The following TET2 variants were observed in gnomAD, a reference collection of about 807,000 sequenced individuals.
TET2 encodes the protein tet methylcytosine dioxygenase 2.
In TET2, 299 loss-of-function variants were observed where a neutral mutation model predicts 142.9. The observed-to-expected ratio is 2.09, with a 90% CI of 1.90 to 2.30. TET2 has a LOEUF of 2.30. Among genes scored for constraint, TET2 ranks in the 30% most tolerant of loss-of-function variants. The pLI is 0.00. For missense variants in TET2, 2,418 were observed against 2,378.0 expected (o/e 1.02, Z -0.35); for synonymous variants, 819 against 849.0 (o/e 0.96, Z 0.61).
intron 2 of TET2, among the ~76,000 whole-genome samples, chr4:105,209,817 G>A (rs1727054566): frequency 6.6e-6 from 1 of 152,120 alleles, no homozygotes; most frequent in African/African-American, 2.4e-5. Context: ...ATGGTGTTCA[G>A]CATTGGGCTT....
chr4:105,275,319 A>G lies in TET2; in HGVS notation c.4809A>G (p.Gln1603=). The G allele has an allele frequency of 1.3e-6, 2 of 1,551,930 alleles. No individual in the cohort carries two copies. The highest frequency in any genetic ancestry group is 1.2e-5 in the South Asian group (1 of 84,058). Residue 1603 remains glutamine (Q), a synonymous_variant, in exon 11 of 11, where the codon CAA becomes CAG. Transcript: ENST00000380013. The part of the protein sequence containing the change: ...SPMNFYSTSS[Q]AAGSYLNSSN... ...TGAACTTCTATTCCACCTCATCTCA[A>G]GCTGCAGGTTCATATTTGAATTCTT...
At chr4:105,242,596 A>T in intron 4 of TET2, 1 of 1,228,526 alleles carries the variant, frequency 8.1e-7, no homozygotes, top group Non-Finnish European at 1.0e-6. Flanking sequence ...TTTCACCCAC[A>T]TGTAATTTAC....
Position 105,234,314 on chromosome 4 carries a change from C to G in TET2, c.372C>G (p.Asn124Lys), listed in dbSNP as rs760039735. Residue 124 changes from asparagine to lysine, a missense_variant, in exon 3 of 11, where the codon AAC (asparagine) becomes AAG (lysine). Physicochemically the swap from Asn to Lys is moderately conservative, Grantham distance 94. Coordinates refer to ENST00000380013, the MANE Select transcript of TET2 (RefSeq NM_001127208.3). Reference protein sequence around the residue: ...QDQKANGERRNFGVSQERNPG... With the variant: ...QDQKANGERRKFGVSQERNPG... ...AAAAGGCTAATGGAGAAAGACGTAACTTCGGGGTAAGCCAAGAAAGAAATC... is the reference window on the plus strand; with the variant it reads ...AAAAGGCTAATGGAGAAAGACGTAAGTTCGGGGTAAGCCAAGAAAGAAATC... 2 of 1,614,084 alleles carry G rather than the reference C, an allele frequency of 1.2e-6. No individual in the cohort carries two copies. Among genetic ancestry groups the G allele is most frequent in the Middle Eastern group, 3.3e-4 (2 of 6,062 alleles).
In TET2 at chr4:105,276,114, TG is replaced by T; in HGVS notation, c.5607del (p.Ser1870GlnfsTer17). 1 of 1,551,664 alleles carries T rather than the reference TG, an allele frequency of 6.4e-7. No individual in the cohort carries two copies. On this transcript the variant is annotated frameshift_variant, in exon 11 of 11. Transcript: ENST00000380013. LOFTEE classifies it high-confidence loss of function. ...GGGGAGTGGCCGTGGCTCCAACTCA[TG>T]GGTCAATTCTCATTGAGTGTGCAAA... Reference protein sequence around the residue: ...IGGVAVAPTHGSILIECAKRE... With the variant: ...IGGVAVAPTHXSILIECAKRE...
intron 6 of TET2, among the ~76,000 whole-genome samples, chr4:105,249,118 C>T (rs1011029135): frequency 6.6e-6 from 1 of 151,342 alleles, no homozygotes; most frequent in Admixed American, 6.6e-5. Context: ...ACCTCTGTCT[C>T]CCGGGTTCAA....
intron 3 of TET2, chr4:105,237,858 A>C (rs886134467): frequency 7.4e-6 from 8 of 1,080,516 alleles, no homozygotes; most frequent in Non-Finnish European, 9.1e-6. Context: ...GATAATGCTG[A>C]CACTCTTAGT....
intron 6 of TET2, among the ~76,000 whole-genome samples, chr4:105,253,507 T>G (rs1433322626): frequency 1.3e-5 from 2 of 152,044 alleles, no homozygotes; most frequent in African/African-American, 4.8e-5. Context: ...ATATTAAACT[T>G]GTTTCCTGCA....
At chr4:105,172,259 T>C (rs1185627260) in intron 1 of TET2, among the ~76,000 whole-genome samples, 2 of 152,144 alleles carry the variant, frequency 1.3e-5, no homozygotes, top group Non-Finnish European at 1.5e-5. Context: ...TAACTACTAA[T>C]AGCCTGCTGT....
At chr4:105,225,502 T>G (rs1728135788) in intron 2 of TET2, among the ~76,000 whole-genome samples, 1 of 152,136 alleles carries the variant, frequency 6.6e-6, no homozygotes, top group Non-Finnish European at 1.5e-5. Flanking sequence ...CTTTTACCTT[T>G]GACTTAGTGT....
intron 2 of TET2, among the ~76,000 whole-genome samples, chr4:105,208,487 A>G (rs1023017544): frequency 2.0e-5 from 3 of 152,052 alleles, no homozygotes; most frequent in Admixed American, 1.3e-4. Context: ...TTCATCATCT[A>G]ATTATTTTTC....
chr4:105,273,043 GT>G, intron 10 of TET2, 125 bp downstream of exon 10: 1 of 711,030 alleles, frequency 1.4e-6, no homozygotes, highest in Middle Eastern at 3.1e-4. Flanking sequence ...GTGCAGGTTT[GT>G]TATACAGGTA....
At chr4:105,230,375 A>G (rs557658767) in intron 2 of TET2, among the ~76,000 whole-genome samples, 2 of 152,162 alleles carry the variant, frequency 1.3e-5, no homozygotes, top group Admixed American at 6.5e-5. Flanking sequence ...GGTCAAGGAA[A>G]GTGTTTCTGA....
At chr4:105,174,137 G>T (rs922855617) in intron 1 of TET2, among the ~76,000 whole-genome samples, 5 of 152,158 alleles carry the variant, frequency 3.3e-5, no homozygotes, top group Admixed American at 3.3e-4. Flanking sequence ...AATTTTAGGG[G>T]TATCAGAGAG....
rs2110227743 is a variant in TET2 at position 105,235,477 on chromosome 4, T to C, written c.1535T>C (p.Leu512Pro). Residue 512 changes from leucine to proline, a missense_variant, in exon 3 of 11, where the codon CTC (leucine) becomes CCC (proline). Coordinates refer to ENST00000380013, the MANE Select transcript of TET2 (RefSeq NM_001127208.3). ...AAAACAAGACCAATGTCAGAACACC[T>C]CAAGCATAACCCACCAATTTTTGGT... ...SEKTRPMSEH[L>P]KHNPPIFGSS... The C allele has an allele frequency of 6.2e-7, 1 of 1,614,134 alleles. No individual in the cohort carries two copies. The highest frequency in any genetic ancestry group is 8.5e-7 in the Non-Finnish European group (1 of 1,180,012).
chr4:105,175,878 C>G (rs1474763968), intron 1 of TET2, among the ~76,000 whole-genome samples: 2 of 152,114 alleles, frequency 1.3e-5, no homozygotes, highest in African/African-American at 4.8e-5. Context: ...GACATATCCT[C>G]ATAAACCATA....
Position 105,236,516 on chromosome 4 carries a change from GA to G in TET2, c.2575del (p.Thr859ProfsTer14), listed in dbSNP as rs1387434254. The stretch of plus-strand genomic sequence containing the variant: ...ATCCTGAACTTTTTGCAGGAAACAA[GA>G]CCCAAAACTTGCATCACATGCAATA... ...THPELFAGNK[T>X]QNLHHMQYFP... On this transcript the variant is annotated frameshift_variant, in exon 3 of 11. Transcript: ENST00000380013. LOFTEE classifies it high-confidence loss of function. 1 of 1,613,952 alleles carries G rather than the reference GA, an allele frequency of 6.2e-7. No homozygotes were observed. Among genetic ancestry groups the G allele is most frequent in the Non-Finnish European group, 8.5e-7 (1 of 1,180,012 alleles).
intron 6 of TET2, 88 bp downstream of exon 6, chr4:105,243,866 A>G (rs2110256641): frequency 8.3e-7 from 1 of 1,211,146 alleles, no homozygotes; most frequent in African/African-American, 1.5e-5. Context: ...TTCAGCGTGC[A>G]CTTTTACATT....
At chr4:105,212,413 A>T (rs1463067357) in intron 2 of TET2, among the ~76,000 whole-genome samples, 1 of 152,240 alleles carries the variant, frequency 6.6e-6, no homozygotes, top group Non-Finnish European at 1.5e-5. Flanking sequence ...TTTTTAATGT[A>T]GTCAATAATA....
At chr4:105,240,613 G>T (rs954100164) in intron 3 of TET2, 47 of 1,079,712 alleles carry the variant, frequency 4.4e-5, no homozygotes, top group African/African-American at 4.9e-5. Context: ...TTATTAAGTT[G>T]CCTCACTGGG....
Sources: allele counts gnomAD v4.1 joint callset (sites outside exome capture counted in the v4.1 genomes callset), GRCh38; gene constraint gnomAD v4.1.1; transcripts MANE v1.5; gene names NCBI Gene and HGNC (gene_info 2026-07-23, HGNC 2026-07-21).